KIF1C: variants seen among roughly 807,000 people sequenced by gnomAD.
KIF1C encodes kinesin-like protein KIF1C.
A neutral mutation model predicts 126.5 loss-of-function variants in KIF1C; 61 were observed. That is an observed-to-expected ratio of 0.48 (90% confidence interval 0.39 to 0.60). KIF1C has a LOEUF of 0.60. Ranked by LOEUF, KIF1C falls within the 20% of genes least tolerant of loss-of-function variation. The pLI, the probability that KIF1C is intolerant of heterozygous loss-of-function variation, is 0.00. For missense variants in KIF1C, 1,315 were observed against 1,489.2 expected (o/e 0.88, Z 1.93); for synonymous variants, 640 against 580.6 (o/e 1.10, Z -1.47).
intron 16 of KIF1C, 48 bp downstream of exon 16, chr17:5,007,590 T>TA: frequency 4.1e-6 from 6 of 1,460,696 alleles, no homozygotes; most frequent in Non-Finnish European, 5.5e-6. Context: ...TCTGGATGCC[T>TA]AGAAAAGAGG....
chr17:5,027,837 G>C lies in KIF1C; in HGVS notation c.*3686G>C, dbSNP rs1013358362. On this transcript the variant is annotated 3_prime_UTR_variant, in exon 23 of 23. Coordinates refer to ENST00000320785, the MANE Select transcript of KIF1C (RefSeq NM_006612.6). Reference sequence around the variant, plus strand: ...CTACAAAAATATATAAATTAGCCGGGTGTACTGGCTCACACCTGTAGCTAC... The same window carrying C: ...CTACAAAAATATATAAATTAGCCGGCTGTACTGGCTCACACCTGTAGCTAC... 1.3e-5 allele frequency: 2 copies of C among 152,120 alleles called. No homozygotes were observed. Among genetic ancestry groups the C allele is most frequent in the African/African-American group, 4.8e-5 (2 of 41,410 alleles). 9.4% of individuals were successfully genotyped at this position (152,120 alleles called of 1,614,324 possible).
chr17:5,007,652 C>G (rs1974766435), intron 16 of KIF1C, 110 bp downstream of exon 16: 1 of 774,284 alleles, frequency 1.3e-6, no homozygotes, highest in Non-Finnish European at 2.0e-6. Context: ...TTTGAGGTCC[C>G]CGGCTTGTCC....
At chr17:5,014,018 T>C (rs887054706) in intron 17 of KIF1C, among the ~76,000 whole-genome samples, 1 of 152,180 alleles carries the variant, frequency 6.6e-6, no homozygotes, top group Non-Finnish European at 1.5e-5. Flanking sequence ...CCTGATGCCA[T>C]TGCCTTGGCC....
chr17:5,009,429 C>G (rs374872578), intron 16 of KIF1C, among the ~76,000 whole-genome samples: 5 of 151,902 alleles, frequency 3.3e-5, no homozygotes, highest in Non-Finnish European at 5.9e-5. Flanking sequence ...CCACCCACTT[C>G]GGAGTCCCAA....
intron 18 of KIF1C, among the ~76,000 whole-genome samples, chr17:5,016,287 GC>G (rs1567726103): frequency 6.6e-6 from 1 of 151,832 alleles, no homozygotes; most frequent in Non-Finnish European, 1.5e-5. Context: ...ACAGGTGTGC[GC>G]CACCACACCC....
rs1466117948 is a variant in KIF1C at position 5,020,865 on chromosome 17, A to T, written c.1997A>T (p.Glu666Val). 1 of 1,580,380 alleles carries T rather than the reference A, an allele frequency of 6.3e-7. No individual in the cohort carries two copies. Among genetic ancestry groups the T allele is most frequent in the South Asian group, 1.1e-5 (1 of 87,034 alleles). Residue 666 changes from glutamate to valine, a missense_variant, in exon 21 of 23, where the codon GAG becomes GTG. This residue lies in a region of KIF1C where 874 missense variants were observed against 1,053.2 expected (regional missense o/e 0.83). Coordinates refer to ENST00000320785, the MANE Select transcript of KIF1C (RefSeq NM_006612.6). This position sits in a 1 kb window ranked among gnomAD's most constrained non-coding sequence, Gnocchi z 5.8. ...AAGGAAGAAGCCGATCTTCTGCTGG[A>T]GCAGCAGCGACTGGTGAGGGGCAGC... is the stretch of plus-strand genomic sequence containing the variant. ...KEKEEADLLL[E>V]QQRLYADSDS...
In KIF1C at chr17:5,000,756, C is replaced by A. The variant is rs753643261; in HGVS notation, c.107-16C>A. On this transcript the variant is annotated splice_polypyrimidine_tract_variant and intron_variant, in intron 3 of 22. Coordinates refer to ENST00000320785, the MANE Select transcript of KIF1C (RefSeq NM_006612.6). ...TGACCTTGACTTTCCTTCCTTTACC[C>A]TCTCCTGCCCCTCAGCCATCATCAA... The A allele has an allele frequency of 1.2e-6, 2 of 1,613,358 alleles. No homozygotes were observed. Among genetic ancestry groups the A allele is most frequent in the Non-Finnish European group, 1.7e-6 (2 of 1,179,370 alleles).
chr17:5,016,019 G>A (rs1169851971), intron 18 of KIF1C, among the ~76,000 whole-genome samples: 3 of 152,122 alleles, frequency 2.0e-5, no homozygotes, highest in East Asian at 1.9e-4. Context: ...GAGGAAGGAC[G>A]TGGTACACAT....
At chr17:5,004,752 C>G (rs559308514) in intron 12 of KIF1C, 103 bp from the exon 13 acceptor site, 154 of 1,592,294 alleles carry the variant, frequency 9.7e-5, no homozygotes, top group African/African-American at 1.6e-4. Context: ...GATGCCGGAG[C>G]CTTGCCACAA....
In KIF1C at chr17:5,002,605, G is replaced by T; in HGVS notation, c.571G>T (p.Asp191Tyr). 6.2e-7 allele frequency: 1 copy of T among 1,613,924 alleles called. No homozygotes were observed. The highest frequency in any genetic ancestry group is 8.5e-7 in the Non-Finnish European group (1 of 1,179,848). Reference sequence around the variant, plus strand: ...CAAATTGGCTGTGACCTCCTACGCAGACATTGCTGACCTCATGGACTGTGG... The same window carrying T: ...CAAATTGGCTGTGACCTCCTACGCATACATTGCTGACCTCATGGACTGTGG... ...LSKLAVTSYA[D>Y]IADLMDCGNK... The change falls in exon 7 of 23, where the codon GAC (aspartate) becomes TAC (tyrosine). Residue 191 changes from aspartate to tyrosine, a missense_variant. By Grantham distance (160) the Asp-to-Tyr change is radical. Around this residue, in one of 2 missense-constraint regions of KIF1C, gnomAD observed 874 missense variants for 1,053.2 expected, o/e 0.83. Coordinates refer to ENST00000320785, the MANE Select transcript of KIF1C (RefSeq NM_006612.6).
intron 3 of KIF1C, 28 bp downstream of exon 3, chr17:5,000,380 GCACAGGCAGGGAAGGCCGGGCC>G: frequency 6.8e-7 from 1 of 1,473,292 alleles, no homozygotes; most frequent in Non-Finnish European, 9.3e-7. Context: ...GCCTGGCTGG[GCACAGGCAGGGAAGGCCGGGCC>G]CACCACACAG....
Position 5,023,723 on chromosome 17 carries a change from C to A in KIF1C, c.2884C>A (p.Leu962Met). 6.5e-7 allele frequency: 1 copy of A among 1,536,464 alleles called. No homozygotes were observed. Among genetic ancestry groups the A allele is most frequent in the Non-Finnish European group, 8.7e-7 (1 of 1,144,792 alleles). ...LQGSGGRGGG[L>M]RRPPARFVPP... Reference sequence around the variant, plus strand: ...GGGCTCTGGGGGCCGGGGCGGGGGGCTGCGCAGGCCCCCAGCCCGCTTTGT... The same window carrying A: ...GGGCTCTGGGGGCCGGGGCGGGGGGATGCGCAGGCCCCCAGCCCGCTTTGT... Residue 962 changes from leucine (L) to methionine (M), a missense_variant, in exon 23 of 23, where the codon CTG (leucine) becomes ATG (methionine). Physicochemically the swap from Leu to Met is conservative, Grantham distance 15. Transcript: ENST00000320785. The surrounding 1 kb of genome is among the most constrained non-coding windows in gnomAD (Gnocchi z 4.2).
rs1307896810 is a variant in KIF1C, at chr17:5,007,022, C to T, written c.1273C>T (p.Pro425Ser). 8 of 1,609,390 alleles carry T rather than the reference C, an allele frequency of 5.0e-6. No individual in the cohort carries two copies. Among genetic ancestry groups the T allele is most frequent in the East Asian group, 2.2e-5 (1 of 44,818 alleles). The change falls in exon 14 of 23, where the codon CCG becomes TCG. Residue 425 changes from proline to serine, a missense_variant. By Grantham distance (74) the Pro-to-Ser change is moderately conservative (BLOSUM62 -1). Transcript: ENST00000320785. The part of the protein sequence containing the change: ...SPTTHNGELE[P>S]SFSPNTESQI... ...CACCACACATAATGGGGAGCTGGAG[C>T]CGTCATTCTCCCCCAACACGGAGTC...
chr17:5,007,678 C>A, intron 16 of KIF1C, 136 bp downstream of exon 16: 1 of 598,912 alleles, frequency 1.7e-6, no homozygotes, highest in South Asian at 3.2e-5. Context: ...TCATTTCTGT[C>A]CCCTCCCCTG....
In KIF1C at chr17:5,006,932, G is replaced by A; in HGVS notation, c.1183G>A (p.Gly395Arg). ...CCTCCCAGGCCTGAAGACGGAAGAA[G>A]GGAGTGTCAGAGGCGCCCTGCCAGC... ...SALEGLKTEE[G>R]SVRGALPAVS... is the part of the protein sequence containing the mutation. Residue 395 changes from glycine to arginine, a missense_variant, in exon 14 of 23, where the codon GGG becomes AGG. Coordinates refer to ENST00000320785, the MANE Select transcript of KIF1C (RefSeq NM_006612.6). The A allele has an allele frequency of 6.2e-7, 1 of 1,610,338 alleles. No homozygotes were observed. The highest frequency in any genetic ancestry group is 8.5e-7 in the Non-Finnish European group (1 of 1,179,030).
Position 5,025,763 on chromosome 17 carries a change from T to C in KIF1C, c.*1612T>C, listed in dbSNP as rs1167660746. On this transcript the variant is annotated 3_prime_UTR_variant, in exon 23 of 23. Transcript: ENST00000320785. ...TGAACCTGGGAGGCGGAGCTTGCAG[T>C]GAGCTGAGATTGCGCCACTGCACTC... is the stretch of plus-strand genomic sequence containing the variant. 6.6e-6 allele frequency: 1 copy of C among 152,198 alleles called. No individual in the cohort carries two copies. The highest frequency in any genetic ancestry group is 1.5e-5 in the Non-Finnish European group (1 of 68,048). The allele number at this position is 152,198 out of a possible 1,614,324, so 9.4% of individuals were successfully genotyped here. A position where few individuals can be genotyped will look rare whatever the true frequency, so the allele number is the denominator to read the frequency against.
rs1376750056 is a variant in KIF1C at position 5,026,956 on chromosome 17, CT to C, written c.*2806del. ...CAAAAAATAAAAATCAAAAATAATACTGTGGGCAAACTTTACTTAGATTTTA... is the reference window on the plus strand; with the variant it reads ...CAAAAAATAAAAATCAAAAATAATACGTGGGCAAACTTTACTTAGATTTTA... On this transcript the variant is annotated 3_prime_UTR_variant, in exon 23 of 23. Coordinates refer to ENST00000320785, the MANE Select transcript of KIF1C (RefSeq NM_006612.6). 2 of 152,014 alleles carry C rather than the reference CT, an allele frequency of 1.3e-5. No individual in the cohort carries two copies. Among genetic ancestry groups the C allele is most frequent in the African/African-American group, 2.4e-5 (1 of 41,382 alleles). The allele number at this position is 152,014 out of a possible 1,614,324, so 9.4% of individuals were successfully genotyped here.
chr17:5,002,975 C>A (rs770487259), intron 8 of KIF1C, 133 bp downstream of exon 8: 2 of 653,998 alleles, frequency 3.1e-6, no homozygotes, highest in Non-Finnish European at 5.4e-6. Flanking sequence ...CTACCATGAC[C>A]GCGCCCCACC....
chr17:5,002,565 C>T lies in KIF1C; in HGVS notation c.531C>T (p.Tyr177=), dbSNP rs760890403. 1.2e-5 allele frequency: 20 copies of T among 1,614,032 alleles called. No homozygotes were observed. Among genetic ancestry groups the T allele is most frequent in the East Asian group, 2.2e-5 (1 of 44,882 alleles). Residue 177 remains tyrosine, a synonymous_variant, in exon 7 of 23, where the codon TAC becomes TAT. Coordinates refer to ENST00000320785, the MANE Select transcript of KIF1C (RefSeq NM_006612.6). ...RVREHPILGP[Y]VQDLSKLAVT... Reference sequence around the variant, plus strand: ...GGGAGCACCCCATCCTGGGCCCGTACGTGCAGGACCTGTCCAAATTGGCTG... The same window carrying T: ...GGGAGCACCCCATCCTGGGCCCGTATGTGCAGGACCTGTCCAAATTGGCTG...
Sources: gnomAD v4.1 joint callset for allele counts (sites outside exome capture counted in the v4.1 genomes callset) on GRCh38, gnomAD v4.1.1 for gene constraint, gnomAD v4.1.1 regional missense constraint, Gnocchi (gnomAD v3.1) non-coding constraint, MANE v1.5 for transcripts, NCBI Gene and HGNC (gene_info 2026-07-23, HGNC 2026-07-21) for gene names.